GNA14: variants seen among roughly 807,000 people sequenced by gnomAD.
GNA14 encodes guanine nucleotide-binding protein subunit alpha-14.
Under a neutral mutation model 42.0 loss-of-function variants are expected in GNA14, and 50 were observed. That is an observed-to-expected ratio of 1.19 (90% CI 0.95 to 1.51). GNA14 has a LOEUF of 1.51. Among genes scored for constraint, GNA14 ranks in the 40% most tolerant of loss-of-function variants. The pLI is 0.00. For missense variants in GNA14, 473 were observed against 446.2 expected (o/e 1.06, Z -0.54); for synonymous variants, 173 against 163.1 (o/e 1.06, Z -0.46).
At chr9:77,484,417 AT>A in intron 2 of GNA14, among the ~76,000 whole-genome samples, 1 of 151,346 alleles carries the variant, frequency 6.6e-6, no homozygotes, top group South Asian at 2.1e-4. Flanking sequence ...ACTGTGAACA[AT>A]ATTTATATAA....
intron 1 of GNA14, among the ~76,000 whole-genome samples, chr9:77,549,793 G>A (rs1416772308): frequency 6.6e-6 from 1 of 152,078 alleles, no homozygotes; most frequent in Non-Finnish European, 1.5e-5. Context: ...CCACCCAAGG[G>A]AGCAATGAGG....
chr9:77,562,087 T>A (rs1822891773), intron 1 of GNA14, among the ~76,000 whole-genome samples: 1 of 152,130 alleles, frequency 6.6e-6, no homozygotes, highest in South Asian at 2.1e-4. Flanking sequence ...CTTTCACACA[T>A]CTTAACAATG....
chr9:77,608,732 GTTTTTTT>G lies in GNA14; in HGVS notation c.124+38931_124+38937del, dbSNP rs111701182. 1.5e-3 allele frequency among the ~76,000 whole-genome samples: 183 copies of G among 121,162 alleles called. 4 individuals carry two copies. The highest frequency in any genetic ancestry group is 5.2e-3 in the African/African-American group (176 of 33,854). The allele number at this position is 121,162 out of a possible 152,430, so 79.5% of individuals were successfully genotyped here. ...GACAATGTACGAAGCCCAATATCCTGTTTTTTTTTTTTTTTGCTTTTTAATAATTTTT... is the reference window on the plus strand; with the variant it reads ...GACAATGTACGAAGCCCAATATCCTGTTTTTTTTGCTTTTTAATAATTTTT... On this transcript the variant is annotated intron_variant, in intron 1 of 6. Transcript: ENST00000341700.
chr9:77,535,998 C>T (rs1486388265), intron 1 of GNA14, among the ~76,000 whole-genome samples: 3 of 151,726 alleles, frequency 2.0e-5, no homozygotes, highest in Non-Finnish European at 2.9e-5. Context: ...TTTAAAGTGC[C>T]GATAAGATTC....
intron 4 of GNA14, 40 bp from the exon 5 acceptor site, chr9:77,429,076 CA>C: frequency 6.2e-7 from 1 of 1,604,720 alleles, no homozygotes; most frequent in Non-Finnish European, 8.5e-7. Flanking sequence ...GGTTGGAATA[CA>C]TGACACTTCG....
intron 1 of GNA14, among the ~76,000 whole-genome samples, chr9:77,624,724 G>A (rs1357399384): frequency 1.3e-5 from 2 of 151,712 alleles, no homozygotes; most frequent in African/African-American, 4.8e-5. Flanking sequence ...GGAATAGCAT[G>A]TCCACTCAGA....
At chr9:77,644,436 T>TAAAAAAAAAAA (rs1824319608) in intron 1 of GNA14, among the ~76,000 whole-genome samples, 1 of 35,170 alleles carries the variant, frequency 2.8e-5, no homozygotes, top group African/African-American at 2.4e-4. Context: ...CTAAAGAGTG[T>TAAAAAAAAAAA]CAAAAAAAAA....
chr9:77,642,892 T>C (rs1177561940), intron 1 of GNA14, among the ~76,000 whole-genome samples: 1 of 152,174 alleles, frequency 6.6e-6, no homozygotes, highest in Non-Finnish European at 1.5e-5. Context: ...TTTCCCTAGA[T>C]GGTGAGGAGA....
intron 2 of GNA14, among the ~76,000 whole-genome samples, chr9:77,475,522 C>T (rs907256808): frequency 2.6e-5 from 4 of 151,952 alleles, no homozygotes; most frequent in African/African-American, 9.7e-5. Flanking sequence ...TTCGGTAAAA[C>T]AGTAGAGAGA....
chr9:77,517,606 T>C (rs1415631655), intron 2 of GNA14: 4 of 100,892 alleles, frequency 4.0e-5, no homozygotes, highest in Admixed American at 3.0e-4. Context: ...TTTTTTTTTT[T>C]TTTTTTTTTT....
intron 1 of GNA14, among the ~76,000 whole-genome samples, chr9:77,576,469 C>G (rs1462169591): frequency 6.6e-6 from 1 of 152,058 alleles, no homozygotes; most frequent in Non-Finnish European, 1.5e-5. Context: ...GAGGAAAAGC[C>G]TATTTCAAGA....
intron 2 of GNA14, among the ~76,000 whole-genome samples, chr9:77,498,158 G>A (rs1385549332): frequency 2.0e-5 from 3 of 152,122 alleles, no homozygotes; most frequent in Admixed American, 1.3e-4. Flanking sequence ...TGGATCACCT[G>A]AGGTCAGGAG....
chr9:77,439,030 G>A (rs573808854), intron 2 of GNA14, among the ~76,000 whole-genome samples: 1 of 152,314 alleles, frequency 6.6e-6, no homozygotes, highest in African/African-American at 2.4e-5. Context: ...AGGATCACCT[G>A]TTGCATATAG....
chr9:77,431,024 T>TGTGTGTGTGTGTG (rs1554686110), intron 4 of GNA14, among the ~76,000 whole-genome samples: 2,391 of 101,480 alleles, frequency 0.024, 65 homozygotes, highest in Admixed American at 0.07. Flanking sequence ...AAGTATACAT[T>TGTGTGTGTGTGTG]TGTGTGTGTG....
chr9:77,614,374 C>T (rs919889540), intron 1 of GNA14, among the ~76,000 whole-genome samples: 7 of 152,140 alleles, frequency 4.6e-5, no homozygotes, highest in Non-Finnish European at 8.8e-5. Context: ...GCCTAACCAC[C>T]CTGGATCCTC....
intron 1 of GNA14, among the ~76,000 whole-genome samples, chr9:77,591,918 G>GTT (rs10663673): frequency 0.03 from 4,211 of 140,194 alleles, 217 homozygotes; most frequent in African/African-American, 0.098. Context: ...TTGTTTTTTG[G>GTT]TTTTTTTTTT....
In GNA14 at chr9:77,603,469, T is replaced by G. The variant is rs557200298; in HGVS notation, c.124+44201A>C. On this transcript the variant is annotated intron_variant, in intron 1 of 6. Coordinates refer to ENST00000341700, the MANE Select transcript of GNA14 (RefSeq NM_004297.4). ...ATTGGGAAAACAATGCATATTTGTG[T>G]AACAATAGAAATTCTATTCTTTCTA... Among the ~76,000 whole-genome samples the G allele has an allele frequency of 8.8e-4, 134 of 152,254 alleles. 2 individuals carry two copies. The highest frequency in any genetic ancestry group is 2.6e-3 in the Admixed American group (40 of 15,294).
At chr9:77,471,119 A>G (rs528010043) in intron 2 of GNA14, among the ~76,000 whole-genome samples, 1 of 152,336 alleles carries the variant, frequency 6.6e-6, no homozygotes, top group African/African-American at 2.4e-5. Context: ...ATGGATAAGC[A>G]AAGATCTGGG....
chr9:77,458,666 T>A (rs192487539), intron 2 of GNA14, among the ~76,000 whole-genome samples: 1 of 152,308 alleles, frequency 6.6e-6, no homozygotes, highest in East Asian at 1.9e-4. Context: ...ACTGTACTGT[T>A]TTCCTAGAGT....
Sources: gnomAD v4.1 joint callset for allele counts (sites outside exome capture counted in the v4.1 genomes callset) on GRCh38, gnomAD v4.1.1 for gene constraint, MANE v1.5 for transcripts, NCBI Gene and HGNC (gene_info 2026-07-23, HGNC 2026-07-21) for gene names.